SLC4A7: variants seen among roughly 807,000 people sequenced by gnomAD.
The protein encoded by SLC4A7 is sodium bicarbonate cotransporter 3.
A neutral mutation model predicts 137.6 loss-of-function variants in SLC4A7; 51 were observed. That is an observed-to-expected ratio of 0.37 (90% CI 0.30 to 0.47). The LOEUF (loss-of-function observed/expected upper bound fraction) is 0.47, where lower values mean the gene tolerates loss of function less well. Ranked by LOEUF, SLC4A7 falls within the 20% of genes least tolerant of loss-of-function variation. The pLI, the probability that SLC4A7 is intolerant of heterozygous loss-of-function variation, is 1.00. For missense variants in SLC4A7, 1,247 were observed against 1,525.4 expected (o/e 0.82, Z 3.04); for synonymous variants, 542 against 518.6 (o/e 1.05, Z -0.61).
At chr3:27,461,006 C>T (rs1423449240) in intron 1 of SLC4A7, among the ~76,000 whole-genome samples, 1 of 151,984 alleles carries the variant, frequency 6.6e-6, no homozygotes, top group Admixed American at 6.6e-5. Flanking sequence ...AAAATTATAA[C>T]CAGAAACCAA....
intron 1 of SLC4A7, among the ~76,000 whole-genome samples, chr3:27,465,289 C>CAAAAAAA (rs11329798): frequency 1.2e-5 from 1 of 84,704 alleles, no homozygotes; most frequent in Non-Finnish European, 2.3e-5. Flanking sequence ...GACTCCGTCT[C>CAAAAAAA]AAAAAAAAAA....
chr3:27,465,908 C>T (rs1250293809), intron 1 of SLC4A7, among the ~76,000 whole-genome samples: 1 of 147,126 alleles, frequency 6.8e-6, no homozygotes, highest in Non-Finnish European at 1.5e-5. Context: ...GAGCTGAGAT[C>T]GCCCCACTGC....
intron 3 of SLC4A7, among the ~76,000 whole-genome samples, chr3:27,446,520 T>C (rs1049335841): frequency 6.6e-6 from 1 of 152,160 alleles, no homozygotes; most frequent in Admixed American, 6.5e-5. Context: ...GCTTAAAACA[T>C]CAAACCACAT....
chr3:27,480,727 C>G (rs999430724), intron 1 of SLC4A7, among the ~76,000 whole-genome samples: 2 of 152,198 alleles, frequency 1.3e-5, no homozygotes, highest in African/African-American at 2.4e-5. Flanking sequence ...AAAAAAACTT[C>G]CATTTGCCAA....
intron 11 of SLC4A7, among the ~76,000 whole-genome samples, chr3:27,412,639 T>C (rs1270100524): frequency 1.3e-5 from 2 of 152,178 alleles, no homozygotes; most frequent in Admixed American, 6.5e-5. Context: ...AGGAAAGGGA[T>C]AAAATTTTAG....
intron 3 of SLC4A7, among the ~76,000 whole-genome samples, chr3:27,443,071 G>A (rs1333762451): frequency 3.4e-5 from 4 of 119,018 alleles, no homozygotes; most frequent in South Asian, 2.8e-4. Flanking sequence ...TCCCTCTGTC[G>A]CCCAGGCTGG....
At chr3:27,459,270 A>G (rs1424519495) in intron 1 of SLC4A7, among the ~76,000 whole-genome samples, 1 of 152,208 alleles carries the variant, frequency 6.6e-6, no homozygotes, top group African/African-American at 2.4e-5. Flanking sequence ...ATACACCAAA[A>G]TACGAAAGAC....
At chr3:27,411,611 A>T (rs901070694) in intron 12 of SLC4A7, 31 bp downstream of exon 12, 3 of 1,153,232 alleles carry the variant, frequency 2.6e-6, no homozygotes, top group Non-Finnish European at 3.6e-6. Context: ...TCATCCCCCA[A>T]ACCCTTCAAA....
At chr3:27,427,080 T>C (rs915920274) in intron 7 of SLC4A7, among the ~76,000 whole-genome samples, 2 of 152,170 alleles carry the variant, frequency 1.3e-5, no homozygotes, top group African/African-American at 4.8e-5. Flanking sequence ...CTAGGAAAGA[T>C]TATGACCCCC....
intron 7 of SLC4A7, among the ~76,000 whole-genome samples, chr3:27,425,013 C>T (rs2055408400): frequency 6.6e-6 from 1 of 152,204 alleles, no homozygotes; most frequent in Non-Finnish European, 1.5e-5. Flanking sequence ...AAAAACACAG[C>T]TTAATATGAG....
chr3:27,441,245 T>C (rs1185037864), intron 3 of SLC4A7, among the ~76,000 whole-genome samples: 1 of 152,228 alleles, frequency 6.6e-6, no homozygotes, highest in African/African-American at 2.4e-5. Flanking sequence ...TTCTAATCCA[T>C]ATGCACAAAA....
At chr3:27,479,980 A>C (rs2059642349) in intron 1 of SLC4A7, among the ~76,000 whole-genome samples, 1 of 152,178 alleles carries the variant, frequency 6.6e-6, no homozygotes, top group African/African-American at 2.4e-5. Flanking sequence ...GAGGAAGAAA[A>C]CACCCATTAC....
At chr3:27,468,057 G>C (rs1231498471) in intron 1 of SLC4A7, among the ~76,000 whole-genome samples, 2 of 152,082 alleles carry the variant, frequency 1.3e-5, no homozygotes, top group Non-Finnish European at 2.9e-5. Context: ...CCAAGTAGCT[G>C]GGATTACAGG....
intron 1 of SLC4A7, among the ~76,000 whole-genome samples, chr3:27,466,745 T>C (rs2059021247): frequency 6.6e-6 from 1 of 151,808 alleles, no homozygotes; most frequent in South Asian, 2.1e-4. Flanking sequence ...TAGTCCCAGC[T>C]ACTAGGGAGG....
At chr3:27,395,618 C>T (rs1478756393) in intron 18 of SLC4A7, among the ~76,000 whole-genome samples, 1 of 152,158 alleles carries the variant, frequency 6.6e-6, no homozygotes, top group East Asian at 1.9e-4. Context: ...TCCATCTGAG[C>T]TGAGGCCTCA....
intron 8 of SLC4A7, 25 bp downstream of exon 8, chr3:27,424,012 A>G (rs2055281928): frequency 7.9e-7 from 1 of 1,273,548 alleles, no homozygotes; most frequent in Admixed American, 1.7e-5. Flanking sequence ...TAATTATGAG[A>G]ATTTTCAGTT....
chr3:27,405,867 C>T (rs371552325), intron 13 of SLC4A7, among the ~76,000 whole-genome samples: 1 of 152,092 alleles, frequency 6.6e-6, no homozygotes. Flanking sequence ...TTTAAATCAA[C>T]GTTAGTATAC....
intron 23 of SLC4A7, among the ~76,000 whole-genome samples, chr3:27,384,782 G>A (rs2050768840): frequency 6.6e-6 from 1 of 152,016 alleles, no homozygotes; most frequent in East Asian, 1.9e-4. Context: ...GGCCAACATG[G>A]TGGAACCCTG....
intron 1 of SLC4A7, among the ~76,000 whole-genome samples, chr3:27,472,310 G>A (rs572593853): frequency 5.8e-4 from 89 of 152,236 alleles, no homozygotes; most frequent in African/African-American, 2.1e-3. Flanking sequence ...GAATGCAGCT[G>A]GTTTCCGCAA....
Sources: allele counts gnomAD v4.1 joint callset (sites outside exome capture counted in the v4.1 genomes callset), GRCh38; gene constraint gnomAD v4.1.1; transcripts MANE v1.5; gene names NCBI Gene and HGNC (gene_info 2026-07-23, HGNC 2026-07-21).